The following CPVL variants were observed in gnomAD, a reference collection of about 807,000 sequenced individuals.
CPVL encodes carboxypeptidase vitellogenic like, also known as probable serine carboxypeptidase CPVL.
Under a neutral mutation model 63.7 loss-of-function variants are expected in CPVL, and 51 were observed. The ratio of observed to expected loss-of-function variants is 0.80; its 90% CI spans 0.64 to 1.01. The LOEUF (loss-of-function observed/expected upper bound fraction) is 1.01. Among genes scored for constraint, CPVL ranks in the 50% least tolerant of loss-of-function variants. The probability of loss-of-function intolerance (pLI) is 0.00; values close to 1 mark genes in which losing one functional copy is unlikely to be tolerated. For missense variants in CPVL, 530 were observed against 573.1 expected (o/e 0.92, Z 0.77); for synonymous variants, 195 against 206.0 (o/e 0.95, Z 0.46).
At chr7:29,160,362 T>A (rs182873304) in intron 5 of CPVL, among the ~76,000 whole-genome samples, 75 of 152,334 alleles carry the variant, frequency 4.9e-4, no homozygotes, top group Admixed American at 1.7e-3. Context: ...TGTATGTGGC[T>A]GACAACGTTA....
chr7:29,063,451 G>A (rs980677109), intron 11 of CPVL, among the ~76,000 whole-genome samples: 12 of 152,104 alleles, frequency 7.9e-5, no homozygotes, highest in Non-Finnish European at 1.3e-4. Flanking sequence ...TCTTACACAC[G>A]GCCAGTCATC....
intron 9 of CPVL, among the ~76,000 whole-genome samples, chr7:29,069,112 C>G (rs1783444900): frequency 6.6e-6 from 1 of 151,912 alleles, no homozygotes; most frequent in South Asian, 2.1e-4. Context: ...TAAAGTCAAC[C>G]TTGAAGAATA....
intron 9 of CPVL, among the ~76,000 whole-genome samples, chr7:29,067,156 T>C (rs1211979398): frequency 6.6e-6 from 1 of 152,074 alleles, no homozygotes; most frequent in East Asian, 1.9e-4. Context: ...GCTGCCAGCA[T>C]TTTAGGGTAT....
At chr7:29,184,151 T>TGATAGATAGATAGATA (rs56102038) in intron 4 of CPVL, among the ~76,000 whole-genome samples, 50 of 143,386 alleles carry the variant, frequency 3.5e-4, no homozygotes, top group East Asian at 6.2e-4. Context: ...TACAGATAGA[T>TGATAGATAGATAGATA]GATAGATAGA....
chr7:29,156,430 G>A (rs575625883), intron 5 of CPVL, among the ~76,000 whole-genome samples: 9 of 152,146 alleles, frequency 5.9e-5, no homozygotes, highest in Middle Eastern at 3.4e-3. Context: ...TCCAAAACCC[G>A]AAAACTCCAT....
At chr7:29,035,580 G>A (rs1788447684) in intron 11 of CPVL, among the ~76,000 whole-genome samples, 1 of 152,092 alleles carries the variant, frequency 6.6e-6, no homozygotes, top group Non-Finnish European at 1.5e-5. Context: ...GGTGGGGAGT[G>A]GCCTTGCTAA....
intron 3 of CPVL, 55 bp downstream of exon 3, chr7:29,112,649 C>T (rs979664228): frequency 3.5e-6 from 4 of 1,153,610 alleles, no homozygotes; most frequent in Non-Finnish European, 5.2e-6. Flanking sequence ...ACATTTCTAC[C>T]CTCAAACGGC....
chr7:29,009,645 A>G (rs1285751545), intron 12 of CPVL: 1 of 152,250 alleles, frequency 6.6e-6, no homozygotes, highest in Non-Finnish European at 1.5e-5. Context: ...TGCAAAATAC[A>G]TACAGAATAA....
chr7:29,033,072 A>T (rs560309003), intron 11 of CPVL, among the ~76,000 whole-genome samples: 2 of 152,342 alleles, frequency 1.3e-5, no homozygotes, highest in Middle Eastern at 6.8e-3. Flanking sequence ...TTTTGGGTAC[A>T]AATGGAAATC....
intron 12 of CPVL, among the ~76,000 whole-genome samples, chr7:29,018,361 C>A (rs911101088): frequency 6.7e-6 from 1 of 148,696 alleles, no homozygotes; most frequent in Admixed American, 6.7e-5. Flanking sequence ...GTTATTATTC[C>A]GATTAAAATT....
chr7:29,190,584 GC>G (rs1367545510), intron 1 of CPVL, among the ~76,000 whole-genome samples: 1 of 152,192 alleles, frequency 6.6e-6, no homozygotes, highest in Non-Finnish European at 1.5e-5. Flanking sequence ...AATTGTAACA[GC>G]CGGTGAAGGA....
At chr7:29,146,302 G>A in intron 1 of CPVL, 127 bp downstream of exon 1, 1 of 383,622 alleles carries the variant, frequency 2.6e-6, no homozygotes, top group Non-Finnish European at 4.7e-6. Context: ...ACTCTACGGT[G>A]CTTTCTCCCC....
At chr7:28,997,918 G>C (rs1784247806) in intron 12 of CPVL, among the ~76,000 whole-genome samples, 1 of 151,946 alleles carries the variant, frequency 6.6e-6, no homozygotes, top group South Asian at 2.1e-4. Context: ...TCTTTCACAT[G>C]CAAATGTGAA....
intron 7 of CPVL, among the ~76,000 whole-genome samples, chr7:29,077,062 T>C (rs1784314104): frequency 6.6e-6 from 1 of 152,252 alleles, no homozygotes; most frequent in Non-Finnish European, 1.5e-5. Context: ...TTTTCTTTTA[T>C]GTTTCAACAA....
intron 1 of CPVL, among the ~76,000 whole-genome samples, chr7:29,127,131 G>A (rs1340113344): frequency 6.6e-6 from 1 of 152,152 alleles, no homozygotes; most frequent in African/African-American, 2.4e-5. Flanking sequence ...AGAAAAATCA[G>A]GAAGAGGAGA....
At chr7:29,075,732 T>C (rs894652543) in intron 7 of CPVL, among the ~76,000 whole-genome samples, 1 of 124,238 alleles carries the variant, frequency 8.0e-6, no homozygotes, top group Non-Finnish European at 1.7e-5. Context: ...AACCTCACAG[T>C]GATGATCTTA....
At chr7:29,187,806 G>GT (rs1476599240) in intron 1 of CPVL, among the ~76,000 whole-genome samples, 1 of 152,160 alleles carries the variant, frequency 6.6e-6, no homozygotes, top group Non-Finnish European at 1.5e-5. Context: ...TTAATACACA[G>GT]TTAAAAACTA....
At chr7:29,084,209 C>T (rs1056962317) in intron 7 of CPVL, among the ~76,000 whole-genome samples, 2 of 152,282 alleles carry the variant, frequency 1.3e-5, no homozygotes, top group Middle Eastern at 3.4e-3. Flanking sequence ...CACAGGCAGC[C>T]GGGCCCTGCA....
At chr7:29,185,652 A>T (rs1371555811) in intron 2 of CPVL, 1 of 151,954 alleles carries the variant, frequency 6.6e-6, no homozygotes, top group Non-Finnish European at 1.5e-5. Flanking sequence ...TGCCACCCTC[A>T]GATTCTGATT....
Sources: gnomAD v4.1 joint callset for allele counts (sites outside exome capture counted in the v4.1 genomes callset) on GRCh38, gnomAD v4.1.1 for gene constraint, MANE v1.5 for transcripts, NCBI Gene and HGNC (gene_info 2026-07-23, HGNC 2026-07-21) for gene names.